The following CDK14 variants were observed in gnomAD, a reference collection of about 807,000 sequenced individuals.
CDK14 encodes the protein cyclin-dependent kinase 14.
CDK14 carries 34 observed loss-of-function variants against 60.7 expected under a neutral mutation model. The observed-to-expected ratio is 0.56, with a 90% CI of 0.43 to 0.75. The LOEUF is 0.75. Ranked by LOEUF, CDK14 falls within the 30% of genes least tolerant of loss-of-function variation. CDK14 has a pLI of 0.00. For missense variants in CDK14, 482 were observed against 564.1 expected, an observed-to-expected ratio of 0.85 and a Z score of 1.47; for synonymous variants, 197 against 203.7, an observed-to-expected ratio of 0.97 and a Z score of 0.28.
rs114085561 is a variant in CDK14, at chr7:90,761,783, T to C, written c.464+14008T>C. 6.7e-3 allele frequency among the ~76,000 whole-genome samples: 1,020 copies of C among 152,314 alleles called. 18 individuals are homozygous for C. The highest frequency in any genetic ancestry group is 0.024 in the African/African-American group (987 of 41,566). On this transcript the variant is annotated intron_variant, in intron 4 of 14. Transcript: ENST00000380050. The stretch of plus-strand genomic sequence containing the variant: ...CATTAGTGCTGAGATTGAGAAACCC[T>C]GGTCTTAAGAAATGCATGGAGGCAG...
intron 2 of CDK14, among the ~76,000 whole-genome samples, chr7:90,671,368 G>C (rs1801095485): frequency 6.6e-6 from 1 of 151,612 alleles, no homozygotes; most frequent in South Asian, 2.1e-4. Context: ...AGGTTATTTA[G>C]GTTCACTGTA....
In CDK14 at chr7:90,887,028, A is replaced by T. The variant is rs10231893; in HGVS notation, c.640-12263A>T. ...TACTGACAAATAGTTTGGAGTTTCTACCCATTTTAACTTTTGGCAGTACTC... is the reference window on the plus strand; with the variant it reads ...TACTGACAAATAGTTTGGAGTTTCTTCCCATTTTAACTTTTGGCAGTACTC... On this transcript the variant is annotated intron_variant, in intron 6 of 14. Coordinates refer to ENST00000380050, the MANE Select transcript of CDK14 (RefSeq NM_001287135.2). Among the ~76,000 whole-genome samples the T allele has an allele frequency of 1.6e-4, 24 of 152,198 alleles. 1 individual carries two copies. The highest frequency in any genetic ancestry group is 5.8e-4 in the African/African-American group (24 of 41,522).
intron 5 of CDK14, among the ~76,000 whole-genome samples, chr7:90,850,205 A>G (rs979092265): frequency 6.0e-5 from 9 of 150,586 alleles, no homozygotes; most frequent in Non-Finnish European, 1.2e-4. Context: ...GGTGAACTGA[A>G]TGCATTGTAG....
chr7:90,952,346 G>A (rs1794288722), intron 8 of CDK14, among the ~76,000 whole-genome samples: 2 of 152,160 alleles, frequency 1.3e-5, no homozygotes, highest in Non-Finnish European at 2.9e-5. Context: ...TTATAGAGAT[G>A]TGAGGAGGAA....
At chr7:91,046,091 T>C (rs1240612013) in intron 11 of CDK14, 131 bp downstream of exon 11, 1 of 625,694 alleles carries the variant, frequency 1.6e-6, no homozygotes, top group Non-Finnish European at 2.9e-6. Context: ...CTTTGTCTAT[T>C]AATGGAATTG....
chr7:91,127,385 G>A (rs1016612675), intron 14 of CDK14, among the ~76,000 whole-genome samples: 5 of 152,110 alleles, frequency 3.3e-5, no homozygotes, highest in Admixed American at 2.6e-4. Context: ...CGACAGAAGC[G>A]GATAGAGATG....
intron 9 of CDK14, among the ~76,000 whole-genome samples, chr7:90,965,972 A>G (rs1215958917): frequency 6.6e-6 from 1 of 152,088 alleles, no homozygotes; most frequent in Non-Finnish European, 1.5e-5. Context: ...GTATTCCAGA[A>G]TTTCATGATG....
intron 2 of CDK14, among the ~76,000 whole-genome samples, chr7:90,649,883 C>T (rs1484017695): frequency 6.6e-6 from 1 of 152,068 alleles, no homozygotes; most frequent in Non-Finnish European, 1.5e-5. Flanking sequence ...GGGTTGGTTC[C>T]AAGTCTGCTA....
chr7:90,635,370 A>G (rs200424882), intron 2 of CDK14, among the ~76,000 whole-genome samples: 18 of 152,150 alleles, frequency 1.2e-4, no homozygotes, highest in Admixed American at 2.6e-4. Context: ...AGTTTTCCCA[A>G]CACCATTTAT....
chr7:90,609,584 G>A (rs1799494662), intron 2 of CDK14, among the ~76,000 whole-genome samples: 1 of 152,110 alleles, frequency 6.6e-6, no homozygotes, highest in Admixed American at 6.5e-5. Context: ...TAAGAAGCTG[G>A]CTCTCCCTTT....
Position 90,900,358 on chromosome 7 carries a change from T to C in CDK14, c.702+1005T>C, listed in dbSNP as rs75998184. 1.1e-3 allele frequency among the ~76,000 whole-genome samples: 168 copies of C among 152,280 alleles called. 1 individual carries two copies. In the East Asian group the frequency reaches 0.029, roughly 27 times the overall value. Reference sequence around the variant, plus strand: ...TATTAGATTGCCTTTCCTTAAAGTTTTTTGACTGTTCATTTTTCTTAAAAA... The same window carrying C: ...TATTAGATTGCCTTTCCTTAAAGTTCTTTGACTGTTCATTTTTCTTAAAAA... On this transcript the variant is annotated intron_variant, in intron 7 of 14. Transcript: ENST00000380050.
chr7:90,808,720 C>G (rs940236855), intron 5 of CDK14, among the ~76,000 whole-genome samples: 1 of 152,024 alleles, frequency 6.6e-6, no homozygotes, highest in Non-Finnish European at 1.5e-5. Context: ...TTCAGGAAAC[C>G]CATCTCATGT....
chr7:91,159,699 G>A (rs894097012), intron 14 of CDK14, among the ~76,000 whole-genome samples: 2 of 152,178 alleles, frequency 1.3e-5, no homozygotes, highest in African/African-American at 4.8e-5. Flanking sequence ...ACAGAAAGCA[G>A]CTGTCTGAGT....
At chr7:91,183,038 G>C (rs986644751) in intron 14 of CDK14, among the ~76,000 whole-genome samples, 1 of 152,172 alleles carries the variant, frequency 6.6e-6, no homozygotes, top group African/African-American at 2.4e-5. Context: ...CTAATGTTTA[G>C]TTCACTTCTA....
rs561216563 is a variant in CDK14, at chr7:91,118,162, A to G, written c.1392A>G (p.Leu464=). Residue 464 remains leucine (L), a synonymous_variant, in exon 14 of 15, where the codon CTA becomes CTG. Transcript: ENST00000380050. ...FGKNNSYGKS[L]SNSKH ...AAAACAATAGTTATGGCAAAAGTCT[A>G]TCAAACAGCAAGCACTGACAAGCAG... is the stretch of plus-strand genomic sequence containing the variant. The G allele has an allele frequency of 9.3e-6, 15 of 1,611,518 alleles. No individual in the cohort carries two copies. Among genetic ancestry groups the G allele is most frequent in the African/African-American group, 1.3e-5 (1 of 74,998 alleles).
At chr7:90,970,620 GCTTCCTTACA>G (rs1208919554) in intron 9 of CDK14, among the ~76,000 whole-genome samples, 2 of 152,214 alleles carry the variant, frequency 1.3e-5, no homozygotes, top group African/African-American at 4.8e-5. Context: ...ATATAATACA[GCTTCCTTACA>G]TGTAAAAATC....
At chr7:90,876,311 C>T (rs1380572485) in intron 6 of CDK14, among the ~76,000 whole-genome samples, 1 of 152,216 alleles carries the variant, frequency 6.6e-6, no homozygotes, top group Non-Finnish European at 1.5e-5. Flanking sequence ...CATAATCCCC[C>T]ATTTTAGGAT....
At chr7:90,609,011 T>C (rs1799480923) in intron 2 of CDK14, among the ~76,000 whole-genome samples, 2 of 152,166 alleles carry the variant, frequency 1.3e-5, no homozygotes, top group Admixed American at 1.3e-4. Flanking sequence ...ATACCAGAGA[T>C]AATAAAGGTG....
rs574679546 is a variant in CDK14, at chr7:90,622,277, CTGT to C, written c.123+18033_123+18035del. Among the ~76,000 whole-genome samples the C allele has an allele frequency of 8.5e-5, 9 of 105,354 alleles. No homozygotes were observed. In the South Asian group the frequency reaches 2.9e-3, roughly 34 times the overall value. The allele number at this position is 105,354 out of a possible 152,430, so 69.1% of individuals were successfully genotyped here. A position where few individuals can be genotyped will look rare whatever the true frequency, so the allele number is the denominator to read the frequency against. On this transcript the variant is annotated intron_variant, in intron 2 of 14. Transcript: ENST00000380050. ...ATTTAGTGCCTGCATCTTTTTATCC[CTGT>C]TGTTTGGAAACTACAATTTGGAATA...
Sources: allele counts gnomAD v4.1 joint callset (sites outside exome capture counted in the v4.1 genomes callset), GRCh38; gene constraint gnomAD v4.1.1; transcripts MANE v1.5; gene names NCBI Gene and HGNC (gene_info 2026-07-23, HGNC 2026-07-21).